PADI4: variants seen among roughly 807,000 people sequenced by gnomAD.
PADI4 encodes the protein protein-arginine deiminase type-4.
Under a neutral mutation model 75.0 loss-of-function variants are expected in PADI4, and 62 were observed. The observed-to-expected ratio is 0.83, with a 90% CI of 0.67 to 1.02. PADI4 has a LOEUF of 1.02. PADI4 is among the 50% of genes least tolerant of loss of function. The probability of loss-of-function intolerance (pLI) is 0.00; values close to 1 mark genes in which losing one functional copy is unlikely to be tolerated. For synonymous variants in PADI4, 361 were observed against 348.1 expected (o/e 1.04, Z -0.41); for missense variants, 845 against 850.5 (o/e 0.99, Z 0.08).
At chr1:17,340,038 TCACACACGCGCGCGCACACACACA>T (rs2074387370) in intron 6 of PADI4, among the ~76,000 whole-genome samples, 1 of 118,832 alleles carries the variant, frequency 8.4e-6, no homozygotes, top group South Asian at 2.8e-4. Flanking sequence ...TCTCTCTCTC[TCACACACGCGCGCGCACACACACA>T]CACACACACA....
At chr1:17,336,577 G>A (rs2074315344) in intron 4 of PADI4, among the ~76,000 whole-genome samples, 1 of 152,190 alleles carries the variant, frequency 6.6e-6, no homozygotes, top group Non-Finnish European at 1.5e-5. Flanking sequence ...TTTCTGCAGA[G>A]CTGTCTACAT....
Position 17,348,049 on chromosome 1 carries a change from G to C in PADI4, c.1155+1G>C, listed in dbSNP as rs753586199. The C allele has an allele frequency of 7.0e-6, 11 of 1,570,922 alleles. No individual in the cohort carries two copies. Among genetic ancestry groups the C allele is most frequent in the Non-Finnish European group, 9.6e-6 (11 of 1,141,156 alleles). ...GGAGTTTCCCATCAAACGCGTGATGGTACCTGCATGGGGTGGGGAGGGGGC... is the reference window on the plus strand; with the variant it reads ...GGAGTTTCCCATCAAACGCGTGATGCTACCTGCATGGGGTGGGGAGGGGGC... On this transcript the variant is annotated splice_donor_variant, in intron 10 of 15. Transcript: ENST00000375448. LOFTEE classifies it high-confidence loss of function.
intron 1 of PADI4, among the ~76,000 whole-genome samples, chr1:17,327,830 A>T (rs2074140506): frequency 6.6e-6 from 1 of 151,664 alleles, no homozygotes; most frequent in Non-Finnish European, 1.5e-5. Context: ...ACAAGCAATT[A>T]TTTACATATT....
intron 2 of PADI4, 115 bp from the exon 3 acceptor site, chr1:17,333,828 T>G: frequency 1.3e-6 from 1 of 748,744 alleles, no homozygotes; most frequent in Non-Finnish European, 2.4e-6. Flanking sequence ...CTAGGACCAG[T>G]TCTTGCCCAA....
rs559362028 is a variant in PADI4, at chr1:17,348,133, C to T, written c.1155+85C>T. On this transcript the variant is annotated intron_variant, in intron 10 of 15. Transcript: ENST00000375448. ...CTCCTTTTAGCCTGCCTTCCCCGCC[C>T]GCGCCTGTAGCTGAGTAGCCCAGTG... 9.5e-6 allele frequency: 8 copies of T among 841,398 alleles called. No homozygotes were observed. In the African/African-American group the frequency reaches 1.0e-4, roughly 11 times the overall value. 52.1% of individuals were successfully genotyped at this position (841,398 alleles called of 1,614,324 possible). A position where few individuals can be genotyped will look rare whatever the true frequency, so the allele number is the denominator to read the frequency against.
chr1:17,347,878 T>C, intron 9 of PADI4, 63 bp from the exon 10 acceptor site: 1 of 845,058 alleles, frequency 1.2e-6, no homozygotes, highest in Non-Finnish European at 1.9e-6. Flanking sequence ...GCCCCCATCC[T>C]GGCGTCGGGC....
chr1:17,349,578 G>A (rs1368129240), intron 10 of PADI4, among the ~76,000 whole-genome samples: 1 of 152,068 alleles, frequency 6.6e-6, no homozygotes, highest in Non-Finnish European at 1.5e-5. Flanking sequence ...GGTGGTGTGT[G>A]CCTGTAATCC....
intron 10 of PADI4, among the ~76,000 whole-genome samples, chr1:17,353,136 A>G (rs2074695748): frequency 6.6e-6 from 1 of 152,080 alleles, no homozygotes; most frequent in Non-Finnish European, 1.5e-5. Flanking sequence ...TTTAGAGAGA[A>G]GTGGAGAGAG....
chr1:17,340,611 G>T (rs1635574), intron 6 of PADI4, among the ~76,000 whole-genome samples: 13,563 of 151,790 alleles, frequency 0.089, 675 homozygotes, highest in African/African-American at 0.12. Flanking sequence ...ATGTGCAAGG[G>T]TTAAAGTGGG....
At chr1:17,353,387 T>C (rs1284082130) in intron 10 of PADI4, among the ~76,000 whole-genome samples, 1 of 152,046 alleles carries the variant, frequency 6.6e-6, no homozygotes, top group Non-Finnish European at 1.5e-5. Context: ...CCGTGATCCT[T>C]TGAGCCCAGG....
chr1:17,316,690 A>AAAAAAAAT (rs2073942888), intron 1 of PADI4, among the ~76,000 whole-genome samples: 1 of 122,500 alleles, frequency 8.2e-6, no homozygotes, highest in South Asian at 2.9e-4. Flanking sequence ...ACTCCGTCTC[A>AAAAAAAAT]AAATAAATAA....
At chr1:17,359,955 G>A (rs1222207522) in intron 15 of PADI4, among the ~76,000 whole-genome samples, 2 of 152,164 alleles carry the variant, frequency 1.3e-5, no homozygotes, top group Non-Finnish European at 2.9e-5. Flanking sequence ...GCGGGTGCCA[G>A]GTGCTAATCA....
At chr1:17,334,525 A>G (rs1375889285) in intron 3 of PADI4, 3 of 449,838 alleles carry the variant, frequency 6.7e-6, no homozygotes, top group African/African-American at 2.0e-5. Flanking sequence ...CTGGTCTCGA[A>G]CTTCTGACCT....
In PADI4 at chr1:17,356,267, G is replaced by A; in HGVS notation, c.1456-90G>A. 1 of 1,275,514 alleles carries A rather than the reference G, an allele frequency of 7.8e-7. No homozygotes were observed. The highest frequency in any genetic ancestry group is 1.1e-6 in the Non-Finnish European group (1 of 912,168). 79.0% of individuals were successfully genotyped at this position (1,275,514 alleles called of 1,614,324 possible). On this transcript the variant is annotated intron_variant, in intron 12 of 15. Coordinates refer to ENST00000375448, the MANE Select transcript of PADI4 (RefSeq NM_012387.3). The surrounding 1 kb of genome is among the most constrained non-coding windows in gnomAD (Gnocchi z 4.1). ...GAGGAGGTGGCCAGCTTGGGTCCAA[G>A]TCCACACTACTCCCACCCTCAGCAG...
chr1:17,356,410 G>A lies in PADI4; in HGVS notation c.1509G>A (p.Glu503=). 1.9e-6 allele frequency: 3 copies of A among 1,613,772 alleles called. No individual in the cohort carries two copies. The highest frequency in any genetic ancestry group is 2.2e-5 in the East Asian group (1 of 44,864). ...GGTCCTGCTACAAACTGTTCCAGGA[G>A]CAGCAGAATGAGGGCCACGGGGAGG... ...SPRSCYKLFQ[E]QQNEGHGEAL... is the part of the protein sequence containing the mutation. The change falls in exon 13 of 16, where the codon GAG becomes GAA. Residue 503 remains glutamate, a synonymous_variant. Coordinates refer to ENST00000375448, the MANE Select transcript of PADI4 (RefSeq NM_012387.3). This position sits in a 1 kb window ranked among gnomAD's most constrained non-coding sequence, Gnocchi z 4.1.
intron 13 of PADI4, among the ~76,000 whole-genome samples, chr1:17,358,029 C>T (rs11203371): frequency 0.7 from 106,158 of 151,306 alleles, 37,440 homozygotes; most frequent in East Asian, 0.79. Flanking sequence ...GGGTGGATCA[C>T]CTGAGGTCAA....
intron 2 of PADI4, 92 bp downstream of exon 2, chr1:17,331,241 T>A (rs2074206774): frequency 3.6e-6 from 4 of 1,102,600 alleles, no homozygotes; most frequent in African/African-American, 1.6e-5. Flanking sequence ...AGCACCAGCC[T>A]GGCAGAGCCT....
rs1239279088 is a variant in PADI4 at position 17,316,455 on chromosome 1, T to G, written c.92+8141T>G. On this transcript the variant is annotated intron_variant, in intron 1 of 15. Coordinates refer to ENST00000375448, the MANE Select transcript of PADI4 (RefSeq NM_012387.3). ...CTGTAATCCCAGCACTTTGGGAGGC[T>G]GAGGTGGGCAGATCACGAGGTCAGG... Among the ~76,000 whole-genome samples the G allele has an allele frequency of 2.0e-5, 3 of 150,760 alleles. No homozygotes were observed. The East Asian group carries it at 5.9e-4, about 30-fold the overall frequency.
chr1:17,321,428 T>C (rs886686919), intron 1 of PADI4, among the ~76,000 whole-genome samples: 3 of 152,268 alleles, frequency 2.0e-5, no homozygotes, highest in African/African-American at 7.2e-5. Flanking sequence ...TTCACCTCTC[T>C]GTGCCTCAGT....
Sources: gnomAD v4.1 joint callset for allele counts (sites outside exome capture counted in the v4.1 genomes callset) on GRCh38, gnomAD v4.1.1 for gene constraint, Gnocchi (gnomAD v3.1) non-coding constraint, MANE v1.5 for transcripts, NCBI Gene and HGNC (gene_info 2026-07-23, HGNC 2026-07-21) for gene names.